Variants in GRIP1 observed in about 807,000 individuals in gnomAD.
GRIP1 encodes the protein glutamate receptor-interacting protein 1.
GRIP1 carries 45 observed loss-of-function variants against 129.9 expected under a neutral mutation model. The observed-to-expected ratio is 0.35, with a 90% CI of 0.27 to 0.44. GRIP1 has a LOEUF of 0.44. Among genes scored for constraint, GRIP1 ranks in the 20% least tolerant of loss-of-function variants. The pLI, the probability that GRIP1 is intolerant of heterozygous loss-of-function variation, is 1.00. For missense variants in GRIP1, 1,196 were observed against 1,396.8 expected, an observed-to-expected ratio of 0.86 and a Z score of 2.29; for synonymous variants, 530 against 520.8, an observed-to-expected ratio of 1.02 and a Z score of -0.24.
At chr12:66,586,276 C>A (rs919002027) in intron 2 of GRIP1, among the ~76,000 whole-genome samples, 6 of 152,306 alleles carry the variant, frequency 3.9e-5, no homozygotes, top group Admixed American at 2.6e-4. Context: ...TCTCATTCAT[C>A]TCATCATCAA....
At chr12:66,535,131 G>A (rs1193765438) in intron 4 of GRIP1, among the ~76,000 whole-genome samples, 1 of 152,056 alleles carries the variant, frequency 6.6e-6, no homozygotes, top group Admixed American at 6.6e-5. Context: ...TCCTGGAAAC[G>A]CCTAGCTCTG....
At chr12:66,674,995 TA>T (rs1272939759) in intron 1 of GRIP1, among the ~76,000 whole-genome samples, 1 of 152,120 alleles carries the variant, frequency 6.6e-6, no homozygotes, top group Non-Finnish European at 1.5e-5. Context: ...GGGCTGCTTA[TA>T]GTTTGTTAGT....
chr12:66,993,816 T>C lies in GRIP1; in HGVS notation c.58+75234A>G, dbSNP rs534601668. 3.2e-4 allele frequency among the ~76,000 whole-genome samples: 46 copies of C among 145,454 alleles called. No individual in the cohort carries two copies. The East Asian group carries it at 6.1e-3, about 19-fold the overall frequency. ...AAAAAAAAAAAAAAAAAATCAAGAC[T>C]GAACAAGCAGACATTTCTACCAATC... On this transcript the variant is annotated intron_variant, in intron 1 of 1. Coordinates refer to the GRIP1 transcript ENST00000643019.
At chr12:66,808,103 TAGAG>T (rs2039031795), upstream of GRIP1, among the ~76,000 whole-genome samples, 1 of 151,984 alleles carries the variant, frequency 6.6e-6, no homozygotes. Context: ...ACTCTTTGCG[TAGAG>T]AGAATGGCCC....
intron 1 of GRIP1, among the ~76,000 whole-genome samples, chr12:67,067,344 T>C (rs912612936): frequency 2.0e-5 from 3 of 152,024 alleles, no homozygotes; most frequent in Admixed American, 1.3e-4. Context: ...GGAAGCATGG[T>C]GATTTTTTTT....
At chr12:66,739,748 TAA>T (rs76377499) in intron 1 of GRIP1, among the ~76,000 whole-genome samples, 1 of 135,320 alleles carries the variant, frequency 7.4e-6, no homozygotes. Context: ...TAAAATAAAA[TAA>T]AAAAAAAAAA....
chr12:66,479,023 T>C (rs553915814), intron 7 of GRIP1, among the ~76,000 whole-genome samples: 2 of 147,698 alleles, frequency 1.4e-5, no homozygotes, highest in Admixed American at 6.7e-5. Flanking sequence ...GAACCTAAAG[T>C]ATAATAAAAA....
At chr12:67,051,133 G>A (rs1334383897) in intron 1 of GRIP1, among the ~76,000 whole-genome samples, 1 of 152,096 alleles carries the variant, frequency 6.6e-6, no homozygotes, top group African/African-American at 2.4e-5. Flanking sequence ...TCAGCATCCT[G>A]AAAAATCAGG....
chr12:66,771,052 C>T (rs141387639), intron 1 of GRIP1, among the ~76,000 whole-genome samples: 1 of 152,158 alleles, frequency 6.6e-6, no homozygotes, highest in Non-Finnish European at 1.5e-5. Flanking sequence ...AAGATCACGC[C>T]ATTGCCTTCC....
intron 7 of GRIP1, among the ~76,000 whole-genome samples, chr12:66,479,135 T>C (rs1034014978): frequency 6.6e-6 from 1 of 150,612 alleles, no homozygotes; most frequent in African/African-American, 2.4e-5. Flanking sequence ...CAGGAGCTGG[T>C]TTTTTGTAAA....
At chr12:66,679,595 T>G (rs1048621496), upstream of GRIP1, among the ~76,000 whole-genome samples, 14 of 152,054 alleles carry the variant, frequency 9.2e-5, no homozygotes, top group African/African-American at 3.4e-4. Flanking sequence ...GTTAAGGCAG[T>G]GTCTGTTTAT....
chr12:66,681,324 G>T (rs969205290), upstream of GRIP1, among the ~76,000 whole-genome samples: 19 of 152,080 alleles, frequency 1.2e-4, no homozygotes, highest in Non-Finnish European at 2.5e-4. Context: ...CAACCTTCTT[G>T]CCCTAAACCC....
intron 1 of GRIP1, among the ~76,000 whole-genome samples, chr12:66,831,677 T>A (rs1273810468): frequency 6.6e-6 from 1 of 152,216 alleles, no homozygotes; most frequent in African/African-American, 2.4e-5. Context: ...TAGAATCATA[T>A]ATCACTGAGA....
At chr12:66,970,838 A>C (rs1286229999) in intron 1 of GRIP1, among the ~76,000 whole-genome samples, 1 of 152,196 alleles carries the variant, frequency 6.6e-6, no homozygotes, top group Non-Finnish European at 1.5e-5. Flanking sequence ...GCCTCGAGTC[A>C]GAGAACTATC....
chr12:66,988,692 T>C (rs560614392), intron 1 of GRIP1, among the ~76,000 whole-genome samples: 5 of 152,320 alleles, frequency 3.3e-5, no homozygotes, highest in Non-Finnish European at 5.9e-5. Flanking sequence ...CCTGTATTTT[T>C]AAATAATACC....
intron 4 of GRIP1, among the ~76,000 whole-genome samples, chr12:66,531,243 AAAAAAAAAAATATATATATATATATAT>A (rs1490083165): frequency 7.6e-5 from 4 of 52,326 alleles, no homozygotes; most frequent in East Asian, 6.2e-4. Flanking sequence ...CTCAAAAAAA[AAAAAAAAAAATATATATATATATATAT>A]ATATATATAT....
chr12:66,890,395 AT>A (rs1252485701), intron 1 of GRIP1, among the ~76,000 whole-genome samples: 1 of 152,236 alleles, frequency 6.6e-6, no homozygotes, highest in Admixed American at 6.5e-5. Context: ...CCCAACTAAA[AT>A]TAAAACTTTT....
chr12:66,479,939 T>G (rs1213086127), intron 7 of GRIP1, among the ~76,000 whole-genome samples: 2 of 152,178 alleles, frequency 1.3e-5, no homozygotes, highest in East Asian at 1.9e-4. Flanking sequence ...AAGAGCTATT[T>G]ATGACAAACC....
chr12:66,579,635 T>A (rs2063291803), intron 2 of GRIP1, among the ~76,000 whole-genome samples: 1 of 152,096 alleles, frequency 6.6e-6, no homozygotes, highest in Non-Finnish European at 1.5e-5. Flanking sequence ...GCCGATGCGA[T>A]CAACTGGAAG....
Sources: gnomAD v4.1 joint callset for allele counts (sites outside exome capture counted in the v4.1 genomes callset) on GRCh38, gnomAD v4.1.1 for gene constraint, MANE v1.5 for transcripts, NCBI Gene and HGNC (gene_info 2026-07-23, HGNC 2026-07-21) for gene names.